BMPR1B: variants seen among roughly 807,000 people sequenced by gnomAD.
The protein encoded by BMPR1B is bone morphogenetic protein receptor type-1B.
In BMPR1B, 12 loss-of-function variants were observed where a neutral mutation model predicts 59.1. The ratio of observed to expected loss-of-function variants is 0.20; its 90% CI spans 0.13 to 0.33. BMPR1B has a LOEUF of 0.33. BMPR1B is among the 10% of genes least tolerant of loss of function. BMPR1B has a pLI of 1.00. For missense variants in BMPR1B, 550 were observed against 610.9 expected, an observed-to-expected ratio of 0.90 and a Z score of 1.05; for synonymous variants, 237 against 207.3, an observed-to-expected ratio of 1.14 and a Z score of -1.23.
intron 2 of BMPR1B, among the ~76,000 whole-genome samples, chr4:94,966,434 T>C (rs1430614847): frequency 6.6e-6 from 1 of 152,182 alleles, no homozygotes; most frequent in Non-Finnish European, 1.5e-5. Context: ...AGTTCAGTTT[T>C]AGAAGAAAGT....
At chr4:94,767,383 A>G (rs1241909530) in intron 1 of BMPR1B, among the ~76,000 whole-genome samples, 1 of 152,198 alleles carries the variant, frequency 6.6e-6, no homozygotes, top group African/African-American at 2.4e-5. Context: ...TATTGAATTT[A>G]TATGACAGGA....
chr4:94,829,726 T>C (rs540969380), intron 1 of BMPR1B, among the ~76,000 whole-genome samples: 1 of 152,272 alleles, frequency 6.6e-6, no homozygotes, highest in East Asian at 1.9e-4. Context: ...AAGAATGAAG[T>C]GCTCTAGTAA....
chr4:95,084,575 G>A (rs1377328526), intron 3 of BMPR1B, among the ~76,000 whole-genome samples: 2 of 152,106 alleles, frequency 1.3e-5, no homozygotes, highest in South Asian at 2.1e-4. Context: ...AGTTACCAGA[G>A]TAGCCACTAC....
rs1482791633 is a variant in BMPR1B at position 95,154,790 on chromosome 4, TC to T, written c.*120del. The T allele has an allele frequency of 6.8e-7, 1 of 1,466,908 alleles. No homozygotes were observed. The highest frequency in any genetic ancestry group is 1.4e-5 in the African/African-American group (1 of 71,826). The allele number at this position is 1,466,908 out of a possible 1,614,324, so 90.9% of individuals were successfully genotyped here. ...TACAAGCCTTGAACATCGTCCTGCT[TC>T]CCAGTGGGTTCAGACCTCACCTCTC... On this transcript the variant is annotated 3_prime_UTR_variant, in exon 13 of 13. Transcript: ENST00000515059.
chr4:95,094,396 G>C (rs569112260), intron 3 of BMPR1B, among the ~76,000 whole-genome samples: 1 of 152,050 alleles, frequency 6.6e-6, no homozygotes, highest in Admixed American at 6.6e-5. Flanking sequence ...AGGAATTGAG[G>C]AAGAGGAGAG....
chr4:95,143,636 A>G (rs983421653), intron 10 of BMPR1B, among the ~76,000 whole-genome samples: 1 of 152,210 alleles, frequency 6.6e-6, no homozygotes, highest in Non-Finnish European at 1.5e-5. Flanking sequence ...TTTCTATATC[A>G]TACCACTGTC....
chr4:94,898,718 A>T (rs1174569779), intron 2 of BMPR1B, among the ~76,000 whole-genome samples: 2 of 151,612 alleles, frequency 1.3e-5, no homozygotes, highest in South Asian at 2.1e-4. Flanking sequence ...CACTTTAAAC[A>T]CTTCATTTTT....
intron 8 of BMPR1B, among the ~76,000 whole-genome samples, chr4:95,125,801 C>G (rs1302274186): frequency 6.6e-6 from 1 of 152,058 alleles, no homozygotes; most frequent in Non-Finnish European, 1.5e-5. Flanking sequence ...AACCATTGAT[C>G]TTGCACTGTT....
intron 9 of BMPR1B, 130 bp from the exon 10 acceptor site, chr4:95,131,085 A>T: frequency 2.1e-6 from 2 of 934,542 alleles, no homozygotes; most frequent in Non-Finnish European, 3.3e-6. Context: ...ATACCATCAT[A>T]GGCATAGTCA....
At chr4:95,122,311 C>T (rs949853860) in intron 6 of BMPR1B, among the ~76,000 whole-genome samples, 12 of 150,264 alleles carry the variant, frequency 8.0e-5, no homozygotes, top group Non-Finnish European at 1.5e-4. Flanking sequence ...ACTCCAGCCT[C>T]GGCCACAGAG....
intron 1 of BMPR1B, among the ~76,000 whole-genome samples, chr4:94,817,298 G>T (rs1471006557): frequency 6.6e-6 from 1 of 152,210 alleles, no homozygotes; most frequent in East Asian, 1.9e-4. Context: ...AGTCCTTTGA[G>T]AATTCTTGGC....
intron 3 of BMPR1B, among the ~76,000 whole-genome samples, chr4:95,084,462 C>G (rs1729416172): frequency 6.6e-6 from 1 of 151,934 alleles, no homozygotes; most frequent in Non-Finnish European, 1.5e-5. Flanking sequence ...TAATCTTAGG[C>G]AATGGGAGGT....
chr4:94,790,917 A>G (rs111871339), intron 1 of BMPR1B, among the ~76,000 whole-genome samples: 1 of 152,152 alleles, frequency 6.6e-6, no homozygotes, highest in Non-Finnish European at 1.5e-5. Flanking sequence ...TGCCTTTGGT[A>G]GCTTTTTTGA....
At chr4:94,808,772 A>G (rs1185109791) in intron 1 of BMPR1B, among the ~76,000 whole-genome samples, 4 of 152,224 alleles carry the variant, frequency 2.6e-5, no homozygotes, top group Middle Eastern at 3.2e-3. Context: ...AAAAAGTTTT[A>G]CAGGCTGGGC....
At chr4:94,951,521 T>C (rs962121020) in intron 2 of BMPR1B, among the ~76,000 whole-genome samples, 11 of 152,186 alleles carry the variant, frequency 7.2e-5, no homozygotes, top group Non-Finnish European at 1.0e-4. Flanking sequence ...TCTGCATCTG[T>C]TGAGGTAATT....
At chr4:95,013,055 G>A (rs1040817033) in intron 3 of BMPR1B, among the ~76,000 whole-genome samples, 2 of 151,400 alleles carry the variant, frequency 1.3e-5, no homozygotes, top group African/African-American at 4.8e-5. Flanking sequence ...TTAATGTTTT[G>A]TCTTATGTTA....
At chr4:95,150,189 G>A (rs1010191811) in intron 11 of BMPR1B, among the ~76,000 whole-genome samples, 2 of 152,088 alleles carry the variant, frequency 1.3e-5, no homozygotes, top group African/African-American at 4.8e-5. Context: ...CTGAAGTGAG[G>A]GAACTATTTT....
At chr4:95,056,002 T>A (rs1182173598) in intron 3 of BMPR1B, among the ~76,000 whole-genome samples, 2 of 152,220 alleles carry the variant, frequency 1.3e-5, no homozygotes, top group African/African-American at 2.4e-5. Context: ...GGAATAAATC[T>A]ATGAATTCTT....
intron 3 of BMPR1B, among the ~76,000 whole-genome samples, chr4:95,022,093 C>T (rs903803780): frequency 1.2e-4 from 18 of 152,036 alleles, no homozygotes; most frequent in Admixed American, 4.6e-4. Flanking sequence ...CGTTAGATGG[C>T]GAGAGGCTTT....
Sources: gnomAD v4.1 joint callset for allele counts (sites outside exome capture counted in the v4.1 genomes callset) on GRCh38, gnomAD v4.1.1 for gene constraint, MANE v1.5 for transcripts, NCBI Gene and HGNC (gene_info 2026-07-23, HGNC 2026-07-21) for gene names.